TRAF3: variants seen among roughly 807,000 people sequenced by gnomAD.
The protein encoded by TRAF3 is TNF receptor-associated factor 3.
TRAF3 carries 13 observed loss-of-function variants against 62.3 expected under a neutral mutation model. That is an observed-to-expected ratio of 0.21 (90% CI 0.14 to 0.33). The LOEUF (loss-of-function observed/expected upper bound fraction) is 0.33. Ranked by LOEUF, TRAF3 falls within the 10% of genes least tolerant of loss-of-function variation. TRAF3 has a pLI of 1.00. For missense variants in TRAF3, 440 were observed against 741.8 expected, an observed-to-expected ratio of 0.59 and a Z score of 4.73; for synonymous variants, 269 against 283.4, an observed-to-expected ratio of 0.95 and a Z score of 0.51.
intron 6 of TRAF3, among the ~76,000 whole-genome samples, chr14:102,882,162 AG>A (rs2139894093): frequency 6.6e-6 from 1 of 152,314 alleles, no homozygotes; most frequent in South Asian, 2.1e-4. Context: ...TTTAGTGAGG[AG>A]GTTGCCTTTC....
At chr14:102,797,094 G>A (rs1274782546) in intron 1 of TRAF3, among the ~76,000 whole-genome samples, 1 of 152,234 alleles carries the variant, frequency 6.6e-6, no homozygotes, top group South Asian at 2.1e-4. Flanking sequence ...CCAGGGGGCA[G>A]CATCATTCAC....
chr14:102,843,247 A>T (rs1333963420), intron 2 of TRAF3, among the ~76,000 whole-genome samples: 1 of 152,048 alleles, frequency 6.6e-6, no homozygotes, highest in Non-Finnish European at 1.5e-5. Flanking sequence ...AGGCCAATAG[A>T]CATCAGAATT....
chr14:102,889,626 G>A lies in TRAF3; in HGVS notation c.718G>A (p.Val240Ile), dbSNP rs200118821. ...STCSFKRYGC[V>I]FQGTNQQIKA... ...CTGTAGTTTTAAGCGCTATGGCTGCGTTTTTCAGGTCAGTATCCGACATTT... is the reference window on the plus strand; with the variant it reads ...CTGTAGTTTTAAGCGCTATGGCTGCATTTTTCAGGTCAGTATCCGACATTT... Residue 240 changes from valine to isoleucine, a missense_variant, in exon 8 of 12, where the codon GTT becomes ATT. Coordinates refer to ENST00000392745, the MANE Select transcript of TRAF3 (RefSeq NM_145725.3). 1.1e-4 allele frequency: 184 copies of A among 1,614,086 alleles called. 1 individual carries two copies. The highest frequency in any genetic ancestry group is 4.3e-4 in the South Asian group (39 of 91,092).
At chr14:102,805,162 G>T (rs1047530023) in intron 1 of TRAF3, among the ~76,000 whole-genome samples, 3 of 152,074 alleles carry the variant, frequency 2.0e-5, no homozygotes, top group African/African-American at 7.2e-5. Context: ...AACTAGTTTT[G>T]GTCTCATTAT....
Position 102,870,082 on chromosome 14 carries a change from A to C in TRAF3, c.-17-103A>C. On this transcript the variant is annotated intron_variant, in intron 2 of 11. Transcript: ENST00000392745. ...TTGGGAAGGATTCTTGTGTTGCCTAAAACTGAAAGACAGCAGGTCTCAGGC... is the reference window on the plus strand; with the variant it reads ...TTGGGAAGGATTCTTGTGTTGCCTACAACTGAAAGACAGCAGGTCTCAGGC... The C allele has an allele frequency of 2.8e-6, 4 of 1,445,408 alleles. No individual in the cohort carries two copies. The South Asian group carries it at 4.6e-5, about 17-fold the overall frequency. 89.5% of individuals were successfully genotyped at this position (1,445,408 alleles called of 1,614,324 possible).
intron 1 of TRAF3, among the ~76,000 whole-genome samples, chr14:102,801,789 C>T (rs955935825): frequency 6.6e-5 from 10 of 151,744 alleles, no homozygotes; most frequent in Admixed American, 3.3e-4. Flanking sequence ...GAGGCCGAGG[C>T]GGGCAGATCA....
intron 6 of TRAF3, among the ~76,000 whole-genome samples, chr14:102,885,026 T>G (rs955380602): frequency 2.6e-5 from 4 of 152,134 alleles, no homozygotes; most frequent in African/African-American, 9.7e-5. Flanking sequence ...TGAGTGGCCT[T>G]CTCTTCCCTG....
At chr14:102,789,629 G>A (rs1173256239) in intron 1 of TRAF3, among the ~76,000 whole-genome samples, 1 of 150,614 alleles carries the variant, frequency 6.6e-6, no homozygotes, top group African/African-American at 2.4e-5. Flanking sequence ...TGTGTGGTAT[G>A]TGTATATGTA....
In TRAF3 at chr14:102,870,462, C is replaced by T. The variant is rs200592179; in HGVS notation, c.245+16C>T. ...CCCTGCTGAGGTAGGCGCCCTCGCCCGGCCCGTCGCCCGGCCCCTTCTCAG... is the reference window on the plus strand; with the variant it reads ...CCCTGCTGAGGTAGGCGCCCTCGCCTGGCCCGTCGCCCGGCCCCTTCTCAG... On this transcript the variant is annotated intron_variant, in intron 3 of 11. Coordinates refer to ENST00000392745, the MANE Select transcript of TRAF3 (RefSeq NM_145725.3). 1.4e-4 allele frequency: 227 copies of T among 1,608,296 alleles called. No homozygotes were observed. In the African/African-American group the frequency reaches 2.5e-3, roughly 18 times the overall value.
At chr14:102,807,096 A>C (rs1595305361) in intron 1 of TRAF3, among the ~76,000 whole-genome samples, 1 of 152,178 alleles carries the variant, frequency 6.6e-6, no homozygotes, top group South Asian at 2.1e-4. Flanking sequence ...TTGTCTATCC[A>C]CTTCACCCCA....
Position 102,828,316 on chromosome 14 carries a change from A to G in TRAF3, c.-156-2018A>G, listed in dbSNP as rs1424867251. On this transcript the variant is annotated intron_variant, in intron 1 of 11. Coordinates refer to ENST00000392745, the MANE Select transcript of TRAF3 (RefSeq NM_145725.3). ...CAAAGTCCTTGTTAATATGGAAACAACTCGTGGTGAAGCCTTTTGCTCCCC... is the reference window on the plus strand; with the variant it reads ...CAAAGTCCTTGTTAATATGGAAACAGCTCGTGGTGAAGCCTTTTGCTCCCC... 3.3e-5 allele frequency among the ~76,000 whole-genome samples: 5 copies of G among 152,334 alleles called. No individual in the cohort carries two copies. The East Asian group carries it at 9.6e-4, about 29-fold the overall frequency.
At chr14:102,783,414 G>A (rs558288515) in intron 1 of TRAF3, among the ~76,000 whole-genome samples, 4 of 152,272 alleles carry the variant, frequency 2.6e-5, no homozygotes, top group Admixed American at 1.3e-4. Flanking sequence ...GTTCTCTTGA[G>A]CTCTTTCATG....
intron 1 of TRAF3, among the ~76,000 whole-genome samples, chr14:102,793,488 C>T (rs1016267271): frequency 6.6e-6 from 1 of 152,288 alleles, no homozygotes; most frequent in Non-Finnish European, 1.5e-5. Flanking sequence ...CATGTTTCTT[C>T]AGAATTTTGA....
intron 6 of TRAF3, among the ~76,000 whole-genome samples, chr14:102,880,964 G>T (rs796933976): frequency 1.3e-5 from 2 of 152,054 alleles, no homozygotes; most frequent in African/African-American, 4.8e-5. Flanking sequence ...GTAATCGCAG[G>T]TGCCTGTAAT....
intron 6 of TRAF3, among the ~76,000 whole-genome samples, chr14:102,881,576 A>G (rs904929476): frequency 1.3e-5 from 2 of 152,044 alleles, no homozygotes; most frequent in East Asian, 1.9e-4. Context: ...CAACACACGC[A>G]GGGGCCTGTG....
chr14:102,904,005 A>G (rs1890448258), intron 11 of TRAF3: 1 of 358,730 alleles, frequency 2.8e-6, no homozygotes, highest in Admixed American at 3.7e-5. Flanking sequence ...AGAGGGGAGC[A>G]GCTTCGCCTC....
intron 1 of TRAF3, among the ~76,000 whole-genome samples, chr14:102,793,543 GCAGACAACCC>G (rs1220247018): frequency 1.3e-5 from 2 of 152,184 alleles, no homozygotes; most frequent in African/African-American, 4.8e-5. Flanking sequence ...GGGTTTCCAA[GCAGACAACCC>G]TAACATCTCT....
chr14:102,908,428 C>A lies in TRAF3; in HGVS notation c.*2644C>A, dbSNP rs1890696839. On this transcript the variant is annotated 3_prime_UTR_variant, in exon 12 of 12. Coordinates refer to ENST00000392745, the MANE Select transcript of TRAF3 (RefSeq NM_145725.3). The stretch of plus-strand genomic sequence containing the variant: ...CCTCTCATGTACTCAACACAGTGGG[C>A]AGCAGCCTGGGACGGCGTCCCCTCT... The A allele has an allele frequency of 6.6e-6, 1 of 152,412 alleles. No homozygotes were observed. The allele number at this position is 152,412 out of a possible 1,614,324, so 9.4% of individuals were successfully genotyped here.
chr14:102,795,544 T>C (rs930401690), intron 1 of TRAF3, among the ~76,000 whole-genome samples: 9 of 151,582 alleles, frequency 5.9e-5, no homozygotes, highest in Non-Finnish European at 1.0e-4. Flanking sequence ...GCTACTGTGG[T>C]GTTATATATA....
Sources: gnomAD v4.1 joint callset for allele counts (sites outside exome capture counted in the v4.1 genomes callset) on GRCh38, gnomAD v4.1.1 for gene constraint, MANE v1.5 for transcripts, NCBI Gene and HGNC (gene_info 2026-07-23, HGNC 2026-07-21) for gene names.